The following DNM3 variants were observed in gnomAD, a reference collection of about 807,000 sequenced individuals.
DNM3 encodes the protein dynamin 3.
A neutral mutation model predicts 101.6 loss-of-function variants in DNM3; 47 were observed. The ratio of observed to expected loss-of-function variants is 0.46; its 90% CI spans 0.37 to 0.59. The LOEUF is 0.59. DNM3 is among the 20% of genes least tolerant of loss of function. The pLI, the probability that DNM3 is intolerant of heterozygous loss-of-function variation, is 0.00. For missense variants in DNM3, 849 were observed against 1,085.7 expected, an observed-to-expected ratio of 0.78 and a Z score of 3.06; for synonymous variants, 385 against 387.9, an observed-to-expected ratio of 0.99 and a Z score of 0.09.
Position 172,409,925 on chromosome 1 carries a change from A to C in DNM3, c.*2084A>C. 1.0e-6 allele frequency: 1 copy of C among 985,730 alleles called. No homozygotes were observed. Among genetic ancestry groups the C allele is most frequent in the Non-Finnish European group, 1.2e-6 (1 of 829,860 alleles). 61.1% of individuals were successfully genotyped at this position (985,730 alleles called of 1,614,324 possible). The stretch of plus-strand genomic sequence containing the variant: ...ACTGGTGTGTTCTTAGATCAGCACA[A>C]ACCATGTCAAAAAAAATTGGAGATT... On this transcript the variant is annotated 3_prime_UTR_variant, in exon 21 of 21. Transcript: ENST00000627582.
intron 11 of DNM3, among the ~76,000 whole-genome samples, chr1:172,075,470 A>G (rs886954386): frequency 1.3e-5 from 2 of 152,182 alleles, no homozygotes; most frequent in African/African-American, 4.8e-5. Flanking sequence ...TCTTTAATCC[A>G]TCCTGAGTCA....
At chr1:172,376,090 G>C (rs540751704) in intron 17 of DNM3, 22 of 151,938 alleles carry the variant, frequency 1.4e-4, no homozygotes, top group African/African-American at 4.8e-4. Flanking sequence ...AAATAATTTC[G>C]GAGAAAGTAA....
At chr1:172,093,784 C>A (rs2054071679) in intron 13 of DNM3, 7 of 1,545,020 alleles carry the variant, frequency 4.5e-6, no homozygotes, top group Non-Finnish European at 5.3e-6. Context: ...CCCAAGGGCA[C>A]AGTTTGTCTT....
chr1:172,131,867 G>C (rs1382038212), intron 14 of DNM3: 1 of 274,022 alleles, frequency 3.6e-6, no homozygotes. Flanking sequence ...GTTCATGTTA[G>C]ATGTTAATAA....
intron 2 of DNM3, among the ~76,000 whole-genome samples, chr1:171,963,458 T>C (rs2043350113): frequency 6.6e-6 from 1 of 152,080 alleles, no homozygotes. Context: ...GGATACAACA[T>C]TTGTCAAAAC....
At chr1:172,201,037 T>C (rs990446496) in intron 14 of DNM3, among the ~76,000 whole-genome samples, 1 of 152,170 alleles carries the variant, frequency 6.6e-6, no homozygotes, top group East Asian at 1.9e-4. Flanking sequence ...GTACAGTCAA[T>C]AGACTTCTTT....
At chr1:172,095,196 A>G (rs1050442291) in intron 13 of DNM3, among the ~76,000 whole-genome samples, 2 of 152,180 alleles carry the variant, frequency 1.3e-5, no homozygotes, top group African/African-American at 2.4e-5. Flanking sequence ...TATTAACTGT[A>G]TCATATATTA....
intron 2 of DNM3, among the ~76,000 whole-genome samples, chr1:171,967,299 G>A (rs1364788174): frequency 2.6e-5 from 4 of 152,138 alleles, no homozygotes; most frequent in African/African-American, 7.2e-5. Flanking sequence ...GACCAGTGGT[G>A]AAATGACCTG....
At chr1:172,251,417 A>G (rs1242483221) in intron 14 of DNM3, among the ~76,000 whole-genome samples, 1 of 152,102 alleles carries the variant, frequency 6.6e-6, no homozygotes, top group Non-Finnish European at 1.5e-5. Flanking sequence ...CATTTGACTT[A>G]CAACTTTAAT....
intron 17 of DNM3, among the ~76,000 whole-genome samples, chr1:172,364,064 G>A (rs575327858): frequency 1.3e-5 from 2 of 152,034 alleles, no homozygotes; most frequent in Non-Finnish European, 2.9e-5. Flanking sequence ...ATGACACATT[G>A]TTTTTGGCCT....
chr1:172,138,497 G>T (rs2057386063), intron 14 of DNM3: 1 of 155,564 alleles, frequency 6.4e-6, no homozygotes, highest in South Asian at 1.9e-4. Context: ...TCAATATAGG[G>T]TGCTGCAAAG....
chr1:172,149,164 G>A (rs968558866), intron 14 of DNM3, among the ~76,000 whole-genome samples: 23 of 152,202 alleles, frequency 1.5e-4, no homozygotes, highest in Admixed American at 4.6e-4. Flanking sequence ...GTTTTTGCCC[G>A]TCTCTAAAAT....
chr1:172,070,041 T>C (rs1387774323), intron 11 of DNM3, among the ~76,000 whole-genome samples: 1 of 152,050 alleles, frequency 6.6e-6, no homozygotes, highest in East Asian at 1.9e-4. Context: ...GATTGGGACA[T>C]TCGTGAGTGA....
At chr1:172,402,332 G>C (rs959362677) in intron 20 of DNM3, among the ~76,000 whole-genome samples, 5 of 152,004 alleles carry the variant, frequency 3.3e-5, no homozygotes, top group Non-Finnish European at 7.4e-5. Context: ...TCAGATTCTA[G>C]TGGCCCTTGG....
chr1:172,279,422 A>G (rs2063404428), intron 15 of DNM3, among the ~76,000 whole-genome samples: 1 of 152,130 alleles, frequency 6.6e-6, no homozygotes, highest in Non-Finnish European at 1.5e-5. Context: ...GCTGTTGTCA[A>G]TATCATCAAT....
At chr1:172,088,997 G>A (rs747782674) in intron 12 of DNM3, among the ~76,000 whole-genome samples, 19 of 152,278 alleles carry the variant, frequency 1.2e-4, no homozygotes, top group East Asian at 1.9e-4. Flanking sequence ...TTGGTTCTAC[G>A]TTTTAGTGTT....
chr1:172,227,253 G>A (rs1279319845), intron 14 of DNM3, among the ~76,000 whole-genome samples: 2 of 104,778 alleles, frequency 1.9e-5, no homozygotes, highest in African/African-American at 7.2e-5. Flanking sequence ...TTTTTTTAAT[G>A]GCTGGATAGT....
intron 2 of DNM3, among the ~76,000 whole-genome samples, chr1:171,974,530 T>C (rs990710446): frequency 2.0e-5 from 3 of 152,234 alleles, no homozygotes; most frequent in African/African-American, 7.2e-5. Flanking sequence ...TAGCTAAGTA[T>C]TAATTTACAT....
chr1:172,302,367 G>A (rs780435856), intron 15 of DNM3, among the ~76,000 whole-genome samples: 63 of 152,348 alleles, frequency 4.1e-4, no homozygotes, highest in Admixed American at 1.2e-3. Flanking sequence ...GAGCAGCTGG[G>A]AAGCTTGAAG....
Sources: gnomAD v4.1 joint callset for allele counts (sites outside exome capture counted in the v4.1 genomes callset) on GRCh38, gnomAD v4.1.1 for gene constraint, MANE v1.5 for transcripts, NCBI Gene and HGNC (gene_info 2026-07-23, HGNC 2026-07-21) for gene names.